DPYD: variants seen among roughly 807,000 people sequenced by gnomAD.
The protein encoded by DPYD is dihydropyrimidine dehydrogenase [NADP(+)].
Under a neutral mutation model 116.2 loss-of-function variants are expected in DPYD, and 109 were observed. That is an observed-to-expected ratio of 0.94 (90% confidence interval 0.80 to 1.10). DPYD has a LOEUF of 1.10. DPYD is among the 50% of genes least tolerant of loss of function. The pLI, the probability that DPYD is intolerant of heterozygous loss-of-function variation, is 0.00. For synonymous variants in DPYD, 440 were observed against 432.0 expected (o/e 1.02, Z -0.23); for missense variants, 1,302 against 1,254.5 (o/e 1.04, Z -0.57).
chr1:97,120,040 T>C (rs1054071591), intron 20 of DPYD, among the ~76,000 whole-genome samples: 6 of 152,160 alleles, frequency 3.9e-5, no homozygotes, highest in Admixed American at 3.3e-4. Flanking sequence ...TGGCTCCAAG[T>C]AACAAATAAT....
At chr1:97,894,858 A>G (rs965331326) in intron 1 of DPYD, among the ~76,000 whole-genome samples, 1 of 151,732 alleles carries the variant, frequency 6.6e-6, no homozygotes, top group South Asian at 2.1e-4. Flanking sequence ...ATAATGTGGC[A>G]AAGCATCCAT....
At chr1:97,854,820 A>G (rs532414911) in intron 2 of DPYD, among the ~76,000 whole-genome samples, 3 of 152,326 alleles carry the variant, frequency 2.0e-5, no homozygotes, top group African/African-American at 7.2e-5. Flanking sequence ...TGTGCCCATC[A>G]TGAGCAGGGT....
intron 18 of DPYD, among the ~76,000 whole-genome samples, chr1:97,249,421 A>T (rs1314056105): frequency 6.6e-6 from 1 of 152,134 alleles, no homozygotes; most frequent in Non-Finnish European, 1.5e-5. Context: ...AAAAAAATGA[A>T]ACCATGGCCT....
chr1:97,242,109 CGT>C (rs1662373521), intron 18 of DPYD, among the ~76,000 whole-genome samples: 1 of 83,116 alleles, frequency 1.2e-5, no homozygotes, highest in Non-Finnish European at 2.3e-5. Context: ...TAATTTGCAA[CGT>C]GTGTGTGCGT....
intron 8 of DPYD, among the ~76,000 whole-genome samples, chr1:97,637,506 C>A (rs1033597840): frequency 3.3e-5 from 5 of 150,706 alleles, no homozygotes; most frequent in African/African-American, 5.0e-5. Flanking sequence ...TTTTCCCCCC[C>A]TCAACAACAC....
At chr1:97,864,310 G>C (rs1290073087) in intron 2 of DPYD, among the ~76,000 whole-genome samples, 1 of 151,900 alleles carries the variant, frequency 6.6e-6, no homozygotes, top group African/African-American at 2.4e-5. Context: ...GGCTCAGGGG[G>C]CTGGGGGCCT....
At chr1:97,668,044 C>T (rs1659658337) in intron 8 of DPYD, among the ~76,000 whole-genome samples, 1 of 152,024 alleles carries the variant, frequency 6.6e-6, no homozygotes, top group African/African-American at 2.4e-5. Flanking sequence ...GGTATAGTTT[C>T]AGTTTTGCAA....
chr1:97,703,490 A>T (rs756593146), intron 5 of DPYD, among the ~76,000 whole-genome samples: 16 of 152,034 alleles, frequency 1.1e-4, no homozygotes, highest in Non-Finnish European at 2.2e-4. Context: ...CCATATAGCA[A>T]ATGTTATCTA....
intron 1 of DPYD, among the ~76,000 whole-genome samples, chr1:97,887,854 G>A (rs1672585535): frequency 6.6e-6 from 1 of 152,000 alleles, no homozygotes; most frequent in Non-Finnish European, 1.5e-5. Context: ...TAGTGAGTGA[G>A]TTCTCACGAT....
At chr1:97,218,766 G>A (rs1472863037) in intron 19 of DPYD, among the ~76,000 whole-genome samples, 2 of 152,018 alleles carry the variant, frequency 1.3e-5, no homozygotes, top group Non-Finnish European at 2.9e-5. Flanking sequence ...TGATGAGTGG[G>A]CTTTCTGAGA....
chr1:97,403,429 T>C (rs888927682), intron 14 of DPYD, among the ~76,000 whole-genome samples: 2 of 152,084 alleles, frequency 1.3e-5, no homozygotes, highest in Non-Finnish European at 2.9e-5. Context: ...TAGAATTAAA[T>C]AGTGAACCCA....
chr1:97,836,995 T>C (rs910296405), intron 2 of DPYD, among the ~76,000 whole-genome samples: 3 of 152,142 alleles, frequency 2.0e-5, no homozygotes, highest in Non-Finnish European at 4.4e-5. Context: ...GAAAGATTAA[T>C]AGAACCATTT....
intron 2 of DPYD, among the ~76,000 whole-genome samples, chr1:97,881,028 A>C (rs1672191127): frequency 6.6e-6 from 1 of 151,930 alleles, no homozygotes; most frequent in Admixed American, 6.6e-5. Flanking sequence ...CTATATTCCT[A>C]ATTCTTTCCT....
intron 3 of DPYD, among the ~76,000 whole-genome samples, chr1:97,742,991 A>C (rs1040013331): frequency 6.6e-6 from 1 of 152,104 alleles, no homozygotes; most frequent in African/African-American, 2.4e-5. Context: ...CACAATTAAA[A>C]AATAAAGTTA....
intron 21 of DPYD, among the ~76,000 whole-genome samples, chr1:97,083,841 G>A (rs1649327101): frequency 6.6e-6 from 1 of 151,998 alleles, no homozygotes; most frequent in African/African-American, 2.4e-5. Flanking sequence ...ACGGAGTCTT[G>A]GAATTTCATA....
chr1:97,380,061 T>G (rs1326821581), intron 15 of DPYD, among the ~76,000 whole-genome samples: 1 of 152,216 alleles, frequency 6.6e-6, no homozygotes, highest in East Asian at 1.9e-4. Context: ...CTTTTTCACA[T>G]TAACTTTTAC....
intron 13 of DPYD, among the ~76,000 whole-genome samples, chr1:97,478,548 A>C (rs1282874863): frequency 1.3e-5 from 2 of 152,222 alleles, no homozygotes; most frequent in South Asian, 2.1e-4. Flanking sequence ...GGCCTCCCAA[A>C]GTAATGAGAT....
At chr1:97,616,492 C>T (rs1373992373) in intron 8 of DPYD, among the ~76,000 whole-genome samples, 1 of 152,092 alleles carries the variant, frequency 6.6e-6, no homozygotes, top group African/African-American at 2.4e-5. Context: ...AGAGAGACCA[C>T]ACGGAGATGC....
At chr1:97,659,829 T>G (rs762857594) in intron 8 of DPYD, among the ~76,000 whole-genome samples, 2 of 152,166 alleles carry the variant, frequency 1.3e-5, no homozygotes, top group Non-Finnish European at 2.9e-5. Context: ...TTCTTCACAT[T>G]CACCTTCATT....
Sources: gnomAD v4.1 joint callset for allele counts (sites outside exome capture counted in the v4.1 genomes callset) on GRCh38, gnomAD v4.1.1 for gene constraint, MANE v1.5 for transcripts, NCBI Gene and HGNC (gene_info 2026-07-23, HGNC 2026-07-21) for gene names.